The following FHIT variants were observed in gnomAD, a reference collection of about 807,000 sequenced individuals.
The protein encoded by FHIT is bis(5'-adenosyl)-triphosphatase.
FHIT carries 19 observed loss-of-function variants against 17.9 expected under a neutral mutation model. The observed-to-expected ratio is 1.06, with a 90% confidence interval of 0.74 to 1.56. The LOEUF is 1.56. Ranked by LOEUF, FHIT falls within the 40% of genes most tolerant of loss-of-function variation. The probability of loss-of-function intolerance (pLI) is 0.00; values close to 1 mark genes in which losing one functional copy is unlikely to be tolerated. For missense variants in FHIT, 248 were observed against 189.2 expected (o/e 1.31, Z -1.82); for synonymous variants, 81 against 69.7 (o/e 1.16, Z -0.81).
intron 5 of FHIT, among the ~76,000 whole-genome samples, chr3:60,160,245 C>T (rs1048991876): frequency 6.6e-6 from 1 of 151,902 alleles, no homozygotes; most frequent in African/African-American, 2.4e-5. Context: ...TATGTTTTCC[C>T]CTAAAAATTA....
At position 60,244,639 on chromosome 3, in the gene FHIT, A is replaced by G. The variant is rs1013592659; in HGVS notation, c.104-230487T>C. Among the ~76,000 whole-genome samples, 13 of 152,216 alleles carry G rather than the reference A, an allele frequency of 8.5e-5. No individual in the cohort carries two copies. In the East Asian group the frequency reaches 1.2e-3, roughly 14 times the overall value. ...AATGAATTTCTGAATTGGGGCCTCA[A>G]TGAGAAGTTTGATTTTTAGGATCTT... is the stretch of plus-strand genomic sequence containing the variant. On this transcript the variant is annotated intron_variant, in intron 5 of 9. Transcript: ENST00000492590.
chr3:60,552,375 G>T (rs1373734673), intron 4 of FHIT, among the ~76,000 whole-genome samples: 2 of 152,160 alleles, frequency 1.3e-5, no homozygotes, highest in African/African-American at 4.8e-5. Flanking sequence ...TGGGAACTCT[G>T]TATTTAACAT....
At chr3:60,919,527 A>C (rs1365897386) in intron 3 of FHIT, among the ~76,000 whole-genome samples, 1 of 152,122 alleles carries the variant, frequency 6.6e-6, no homozygotes, top group African/African-American at 2.4e-5. Flanking sequence ...TGGAGAAACC[A>C]AGGATTAATG....
chr3:61,144,678 T>A (rs2037177828), intron 2 of FHIT, among the ~76,000 whole-genome samples: 1 of 152,196 alleles, frequency 6.6e-6, no homozygotes, highest in Non-Finnish European at 1.5e-5. Context: ...ATGAGGGTTT[T>A]AATTTCTCCT....
intron 8 of FHIT, among the ~76,000 whole-genome samples, chr3:59,793,427 C>G (rs1243579902): frequency 1.3e-5 from 2 of 152,076 alleles, no homozygotes; most frequent in African/African-American, 4.8e-5. Flanking sequence ...TGAAGGCAAC[C>G]TTTGTCCAGG....
At chr3:60,857,341 G>A (rs1236678008) in intron 3 of FHIT, among the ~76,000 whole-genome samples, 2 of 152,164 alleles carry the variant, frequency 1.3e-5, no homozygotes, top group Non-Finnish European at 2.9e-5. Flanking sequence ...CATGTTCCAT[G>A]ATTTTGTACA....
chr3:60,053,507 A>C (rs1485419811), intron 5 of FHIT, among the ~76,000 whole-genome samples: 1 of 151,726 alleles, frequency 6.6e-6, no homozygotes, highest in Non-Finnish European at 1.5e-5. Flanking sequence ...CGTCATGTGA[A>C]CTGGCTATGG....
At chr3:60,119,489 C>G (rs1705147937) in intron 5 of FHIT, among the ~76,000 whole-genome samples, 1 of 152,092 alleles carries the variant, frequency 6.6e-6, no homozygotes. Flanking sequence ...AATATGAAAT[C>G]AGTGGTGTAC....
At chr3:60,117,493 CT>C (rs1362647252) in intron 5 of FHIT, among the ~76,000 whole-genome samples, 1 of 75,174 alleles carries the variant, frequency 1.3e-5, no homozygotes, top group Admixed American at 2.2e-4. Context: ...TACTTCCTAT[CT>C]AAAAAAAAAA....
At position 60,108,394 on chromosome 3, in the gene FHIT, C is replaced by G. The variant is rs138546708; in HGVS notation, c.104-94242G>C. Among the ~76,000 whole-genome samples, 47 of 152,262 alleles carry G rather than the reference C, an allele frequency of 3.1e-4. 1 individual carries two copies. The East Asian group carries it at 9.1e-3, about 29-fold the overall frequency. On this transcript the variant is annotated intron_variant, in intron 5 of 9. Transcript: ENST00000492590. ...TAAGTCAAAAGGTTAGGTAATGTCA[C>G]TCCCTCCAGGGGTTCATTGTCCAGT...
At chr3:60,883,008 T>C (rs1705046059) in intron 3 of FHIT, among the ~76,000 whole-genome samples, 2 of 152,020 alleles carry the variant, frequency 1.3e-5, no homozygotes, top group Non-Finnish European at 2.9e-5. Flanking sequence ...GACAACAAAA[T>C]CAGTAAAGTT....
intron 1 of FHIT, among the ~76,000 whole-genome samples, chr3:61,210,574 T>A (rs1282927955): frequency 2.0e-5 from 3 of 152,204 alleles, no homozygotes; most frequent in African/African-American, 7.2e-5. Flanking sequence ...TAGCAATGAG[T>A]GAGGCTCCGT....
intron 8 of FHIT, among the ~76,000 whole-genome samples, chr3:59,833,853 A>T (rs1342649264): frequency 2.6e-5 from 4 of 152,090 alleles, no homozygotes; most frequent in Non-Finnish European, 5.9e-5. Flanking sequence ...TTCTCAAGAG[A>T]TCTGATGGCT....
At chr3:60,612,958 A>G (rs1257789344) in intron 4 of FHIT, among the ~76,000 whole-genome samples, 1 of 137,634 alleles carries the variant, frequency 7.3e-6, no homozygotes, top group East Asian at 2.0e-4. Context: ...CCCTGGCTTT[A>G]TGACTTTGAC....
chr3:60,542,726 C>T (rs1263603118), intron 4 of FHIT, among the ~76,000 whole-genome samples: 1 of 152,096 alleles, frequency 6.6e-6, no homozygotes, highest in African/African-American at 2.4e-5. Flanking sequence ...CTATCGTTCC[C>T]TCCATTGAAC....
chr3:61,094,813 T>C (rs1347059488), intron 2 of FHIT, among the ~76,000 whole-genome samples: 3 of 152,164 alleles, frequency 2.0e-5, no homozygotes, highest in Admixed American at 6.5e-5. Flanking sequence ...CTACAGTGCA[T>C]ATGCTGGACA....
chr3:61,239,268 G>A (rs551068656), intron 1 of FHIT, among the ~76,000 whole-genome samples: 42 of 152,304 alleles, frequency 2.8e-4, no homozygotes, highest in Non-Finnish European at 4.4e-4. Context: ...GGCCCTGTAT[G>A]GCCTGGGCCC....
At chr3:60,169,403 A>C (rs982415844) in intron 5 of FHIT, among the ~76,000 whole-genome samples, 11 of 152,190 alleles carry the variant, frequency 7.2e-5, no homozygotes, top group African/African-American at 2.7e-4. Context: ...CATGTTGGCT[A>C]ATTTATAAAT....
In FHIT at chr3:60,326,287, G is replaced by C. The variant is rs1030441307; in HGVS notation, c.103+210573C>G. 3.2e-4 allele frequency among the ~76,000 whole-genome samples: 49 copies of C among 152,090 alleles called. 2 individuals carry two copies. The highest frequency in any genetic ancestry group is 1.8e-4 in the Non-Finnish European group (12 of 68,012). ...TCACCATAATGTAGAATCAATGGGA[G>C]TCCTGAGCTTGTATTCTTGTGACTA... is the stretch of plus-strand genomic sequence containing the variant. On this transcript the variant is annotated intron_variant, in intron 5 of 9. Transcript: ENST00000492590.
Sources: allele counts gnomAD v4.1 joint callset (sites outside exome capture counted in the v4.1 genomes callset), GRCh38; gene constraint gnomAD v4.1.1; transcripts MANE v1.5; gene names NCBI Gene and HGNC (gene_info 2026-07-23, HGNC 2026-07-21).